The following SPTBN1 variants were observed in gnomAD, a reference collection of about 807,000 sequenced individuals.
SPTBN1 encodes the protein spectrin beta, non-erythrocytic 1.
SPTBN1 carries 32 observed loss-of-function variants against 266.4 expected under a neutral mutation model. That is an observed-to-expected ratio of 0.12 (90% CI 0.09 to 0.16). The LOEUF is 0.16. Ranked by LOEUF, SPTBN1 falls within the 10% of genes least tolerant of loss-of-function variation. The pLI is 1.00. For missense variants in SPTBN1, 2,296 were observed against 3,067.1 expected (o/e 0.75, Z 5.94); for synonymous variants, 1,336 against 1,162.2 (o/e 1.15, Z -3.04).
rs1240078808 is a variant in SPTBN1 at position 54,558,727 on chromosome 2, GCT to G, written c.148+32162_148+32163del. On this transcript the variant is annotated intron_variant, in intron 2 of 35. Coordinates refer to ENST00000356805, the MANE Select transcript of SPTBN1 (RefSeq NM_003128.3). The surrounding 1 kb of genome is among the most constrained non-coding windows in gnomAD (Gnocchi z 4.6). ...GCGTGTTGGATGGGAGTGGGAGGGG[GCT>G]GGAGCGAGATTTCCAGGGCGCAGTC... 7.6e-6 allele frequency: 12 copies of G among 1,588,470 alleles called. No homozygotes were observed. The highest frequency in any genetic ancestry group is 1.0e-5 in the Non-Finnish European group (12 of 1,163,732).
chr2:54,668,313 C>G (rs764838878), intron 35 of SPTBN1, 38 bp from the exon 36 acceptor site: 3 of 1,604,514 alleles, frequency 1.9e-6, no homozygotes, highest in Non-Finnish European at 8.5e-7. Context: ...CATGCCTACT[C>G]TTAGTTGAGT....
At chr2:54,614,452 A>T (rs1343089044) in intron 4 of SPTBN1, among the ~76,000 whole-genome samples, 1 of 152,158 alleles carries the variant, frequency 6.6e-6, no homozygotes, top group Non-Finnish European at 1.5e-5. Context: ...ATATGTGCAT[A>T]GAAGTGTCCA....
At chr2:54,601,300 C>A (rs145396255) in intron 3 of SPTBN1, among the ~76,000 whole-genome samples, 2 of 152,128 alleles carry the variant, frequency 1.3e-5, no homozygotes, top group African/African-American at 4.8e-5. Flanking sequence ...AATAAAGATA[C>A]CATAGATAGA....
chr2:54,649,663 G>C lies in SPTBN1; in HGVS notation c.5251G>C (p.Gly1751Arg). 6.2e-7 allele frequency: 1 copy of C among 1,613,276 alleles called. No individual in the cohort carries two copies. The highest frequency in any genetic ancestry group is 8.5e-7 in the Non-Finnish European group (1 of 1,179,282). Residue 1751 changes from glycine (G) to arginine (R), a missense_variant, in exon 26 of 36, where the codon GGG becomes CGG. Gly to Arg is a moderately radical substitution (Grantham distance 125). Coordinates refer to ENST00000356805, the MANE Select transcript of SPTBN1 (RefSeq NM_003128.3). This position sits in a 1 kb window ranked among gnomAD's most constrained non-coding sequence, Gnocchi z 6.7. ...GTTTGCCCGAGACACCGGGAACATTGGGCAGGAGCGCGTGGACACGGTCAA... is the reference window on the plus strand; with the variant it reads ...GTTTGCCCGAGACACCGGGAACATTCGGCAGGAGCGCGTGGACACGGTCAA... The part of the protein sequence containing the change: ...REFARDTGNI[G>R]QERVDTVNHL...
chr2:54,582,150 C>T (rs1050890722), intron 2 of SPTBN1, among the ~76,000 whole-genome samples: 5 of 152,218 alleles, frequency 3.3e-5, no homozygotes, highest in South Asian at 2.1e-4. Context: ...TATTTCATCA[C>T]TTTGCTCAAA....
At chr2:54,522,958 T>A (rs929722839) in intron 1 of SPTBN1, among the ~76,000 whole-genome samples, 5 of 152,128 alleles carry the variant, frequency 3.3e-5, no homozygotes, top group African/African-American at 1.2e-4. Flanking sequence ...TTGGGTTGGG[T>A]TGGATTAAAT....
intron 1 of SPTBN1, among the ~76,000 whole-genome samples, chr2:54,490,524 G>A (rs548585697): frequency 1.1e-3 from 171 of 152,332 alleles, no homozygotes; most frequent in Non-Finnish European, 1.9e-3. Flanking sequence ...ATGGTGATGT[G>A]ATTCTCCAGA....
intron 1 of SPTBN1, among the ~76,000 whole-genome samples, chr2:54,493,412 T>TGGTGGG (rs1553433739): frequency 6.8e-6 from 1 of 146,698 alleles, no homozygotes; most frequent in Non-Finnish European, 1.5e-5. Flanking sequence ...TTTTCTTTTT[T>TGGTGGG]GGGGGGTTGG....
intron 2 of SPTBN1, among the ~76,000 whole-genome samples, chr2:54,532,855 C>G (rs1671339172): frequency 6.6e-6 from 1 of 152,126 alleles, no homozygotes; most frequent in Admixed American, 6.5e-5. Flanking sequence ...AAGAAAAATG[C>G]ATTTCTGCTT....
chr2:54,492,430 C>G (rs1438722674), intron 1 of SPTBN1, among the ~76,000 whole-genome samples: 1 of 140,940 alleles, frequency 7.1e-6, no homozygotes, highest in African/African-American at 2.7e-5. Context: ...GTTGCCTTTT[C>G]CCCTAGATCC....
intron 7 of SPTBN1, among the ~76,000 whole-genome samples, 176 bp downstream of exon 7, chr2:54,618,369 G>C (rs1180478571): frequency 1.3e-5 from 2 of 152,214 alleles, no homozygotes; most frequent in Non-Finnish European, 2.9e-5. Flanking sequence ...AAAAGGCCTT[G>C]AAAGATGAAT....
chr2:54,637,683 T>TA (rs1558455577), intron 17 of SPTBN1, 30 bp from the exon 18 acceptor site: 12 of 1,555,122 alleles, frequency 7.7e-6, no homozygotes, highest in Non-Finnish European at 1.1e-5. Context: ...CTTCCTTTTT[T>TA]AAAAATTATT....
At chr2:54,489,374 G>A (rs1019412946) in intron 1 of SPTBN1, among the ~76,000 whole-genome samples, 1 of 151,682 alleles carries the variant, frequency 6.6e-6, no homozygotes, top group Non-Finnish European at 1.5e-5. Flanking sequence ...AAAAAATATG[G>A]CAATATGCAG....
At chr2:54,606,286 A>G (rs1466158411) in intron 3 of SPTBN1, among the ~76,000 whole-genome samples, 4 of 152,150 alleles carry the variant, frequency 2.6e-5, no homozygotes, top group Non-Finnish European at 5.9e-5. Context: ...TTAACTTCTC[A>G]TAATACCATC....
At chr2:54,557,813 C>G (rs1672975357) in intron 2 of SPTBN1, 2 of 985,452 alleles carry the variant, frequency 2.0e-6, no homozygotes, top group South Asian at 4.7e-5. Context: ...CGAGATTCTT[C>G]ACTGAGCCCG....
chr2:54,502,511 A>G (rs2104128529), intron 1 of SPTBN1, among the ~76,000 whole-genome samples: 1 of 152,326 alleles, frequency 6.6e-6, no homozygotes, highest in East Asian at 1.9e-4. Flanking sequence ...ATAAATATTC[A>G]CTTCAGAGAA....
intron 1 of SPTBN1, among the ~76,000 whole-genome samples, chr2:54,473,358 T>G (rs548969608): frequency 2.0e-5 from 3 of 152,346 alleles, no homozygotes; most frequent in Admixed American, 6.5e-5. Flanking sequence ...TTCTTTTAGA[T>G]GTATTGATCT....
chr2:54,573,536 C>T (rs1040297595), intron 2 of SPTBN1, among the ~76,000 whole-genome samples: 1 of 152,184 alleles, frequency 6.6e-6, no homozygotes, highest in African/African-American at 2.4e-5. Context: ...GGTCTGTGAC[C>T]TGGGGGTTGG....
At chr2:54,620,099 C>T (rs10182310) in intron 7 of SPTBN1, among the ~76,000 whole-genome samples, 3 of 152,190 alleles carry the variant, frequency 2.0e-5, no homozygotes, top group Non-Finnish European at 4.4e-5. Context: ...TGTTCCTTCT[C>T]TCAGTACCTA....
Sources: allele counts gnomAD v4.1 joint callset (sites outside exome capture counted in the v4.1 genomes callset), GRCh38; gene constraint gnomAD v4.1.1; non-coding constraint Gnocchi (gnomAD v3.1); transcripts MANE v1.5; gene names NCBI Gene and HGNC (gene_info 2026-07-23, HGNC 2026-07-21).